Variants in DPYD observed in about 807,000 individuals in gnomAD.
DPYD encodes dihydropyrimidine dehydrogenase [NADP(+)].
DPYD carries 109 observed loss-of-function variants against 116.2 expected under a neutral mutation model. The observed-to-expected ratio is 0.94, with a 90% CI of 0.80 to 1.10. The LOEUF is 1.10. Ranked by LOEUF, DPYD falls within the 50% of genes least tolerant of loss-of-function variation. The pLI is 0.00. For missense variants in DPYD, 1,302 were observed against 1,254.5 expected, an observed-to-expected ratio of 1.04 and a Z score of -0.57; for synonymous variants, 440 against 432.0, an observed-to-expected ratio of 1.02 and a Z score of -0.23.
chr1:97,368,030 T>C (rs555482116), intron 16 of DPYD, among the ~76,000 whole-genome samples: 2 of 152,240 alleles, frequency 1.3e-5, no homozygotes, highest in East Asian at 1.9e-4. Flanking sequence ...TCATTTGAAA[T>C]AGAATTAGAG....
chr1:97,096,753 G>A (rs1428233123), intron 21 of DPYD, among the ~76,000 whole-genome samples: 1 of 152,128 alleles, frequency 6.6e-6, no homozygotes, highest in African/African-American at 2.4e-5. Flanking sequence ...CAGAATATGG[G>A]AGGGGACAAT....
chr1:97,579,453 G>A (rs1472729828), intron 10 of DPYD, among the ~76,000 whole-genome samples: 1 of 152,198 alleles, frequency 6.6e-6, no homozygotes, highest in Non-Finnish European at 1.5e-5. Context: ...TATGTTGCGA[G>A]GTTGAAATAA....
chr1:97,765,911 G>C (rs1318351321), intron 3 of DPYD, among the ~76,000 whole-genome samples: 1 of 152,178 alleles, frequency 6.6e-6, no homozygotes, highest in Non-Finnish European at 1.5e-5. Flanking sequence ...GATCATGTGT[G>C]CTGGAAGAAT....
chr1:97,566,989 T>C (rs1168403242), intron 11 of DPYD, among the ~76,000 whole-genome samples: 1 of 152,164 alleles, frequency 6.6e-6, no homozygotes, highest in East Asian at 1.9e-4. Context: ...ACCTAAATAA[T>C]ATAATGCCAA....
intron 14 of DPYD, among the ~76,000 whole-genome samples, chr1:97,400,907 A>T (rs1673336966): frequency 6.6e-6 from 1 of 152,000 alleles, no homozygotes; most frequent in African/African-American, 2.4e-5. Context: ...TTCTAACGTG[A>T]TCAAATCATT....
At chr1:97,720,054 A>T in intron 5 of DPYD, 1 of 984,928 alleles carries the variant, frequency 1.0e-6, no homozygotes, top group African/African-American at 1.7e-5. Flanking sequence ...AGAACCAAGT[A>T]AGAGTTCCCA....
intron 7 of DPYD, among the ~76,000 whole-genome samples, chr1:97,684,233 C>T (rs1660587851): frequency 6.6e-6 from 1 of 152,110 alleles, no homozygotes; most frequent in Non-Finnish European, 1.5e-5. Context: ...GGTACATTGT[C>T]TCTTTGTTCT....
At chr1:97,713,004 A>G (rs969343483) in intron 5 of DPYD, among the ~76,000 whole-genome samples, 1 of 152,038 alleles carries the variant, frequency 6.6e-6, no homozygotes, top group East Asian at 1.9e-4. Context: ...ATGTTTTTAT[A>G]CCATTTCTGG....
intron 2 of DPYD, among the ~76,000 whole-genome samples, chr1:97,869,073 G>A (rs909025179): frequency 2.6e-5 from 4 of 151,718 alleles, no homozygotes; most frequent in Non-Finnish European, 5.9e-5. Flanking sequence ...TGTTGCAAGT[G>A]GAAAATGGCC....
intron 10 of DPYD, among the ~76,000 whole-genome samples, chr1:97,591,070 C>T (rs973889264): frequency 1.3e-5 from 2 of 152,028 alleles, no homozygotes; most frequent in African/African-American, 4.8e-5. Flanking sequence ...ATCCAGAAGA[C>T]TTCCACAATA....
chr1:97,553,893 T>C (rs1001951121), intron 11 of DPYD, among the ~76,000 whole-genome samples: 3 of 152,122 alleles, frequency 2.0e-5, no homozygotes, highest in African/African-American at 7.2e-5. Flanking sequence ...TGGAATTTTA[T>C]GCAGTCTTTA....
chr1:97,173,347 C>CACATATATGTACATATAT (rs1656961543), intron 20 of DPYD, among the ~76,000 whole-genome samples: 1 of 149,056 alleles, frequency 6.7e-6, no homozygotes, highest in Non-Finnish European at 1.5e-5. Flanking sequence ...TATATATGCA[C>CACATATATGTACATATAT]ACATATATGT....
chr1:97,626,948 G>C (rs936647352), intron 8 of DPYD, among the ~76,000 whole-genome samples: 8 of 151,958 alleles, frequency 5.3e-5, no homozygotes, highest in African/African-American at 1.9e-4. Flanking sequence ...AAGTGCCATA[G>C]ACTGCGTGAC....
At chr1:97,113,004 T>A (rs760468826) in intron 20 of DPYD, among the ~76,000 whole-genome samples, 26 of 152,266 alleles carry the variant, frequency 1.7e-4, no homozygotes, top group Middle Eastern at 3.4e-3. Flanking sequence ...CAATAACTTT[T>A]CTCCTCATCT....
intron 2 of DPYD, among the ~76,000 whole-genome samples, chr1:97,829,496 T>C (rs746764372): frequency 1.6e-4 from 25 of 152,128 alleles, no homozygotes; most frequent in Admixed American, 5.9e-4. Flanking sequence ...TCTTCTGTCT[T>C]ATCTTCCCAC....
intron 20 of DPYD, among the ~76,000 whole-genome samples, chr1:97,160,847 A>G (rs1207667249): frequency 6.6e-6 from 1 of 152,142 alleles, no homozygotes; most frequent in Non-Finnish European, 1.5e-5. Context: ...GTTCTTAACA[A>G]ATTTTGAAAA....
At chr1:97,918,813 T>C (rs1028839437) in intron 1 of DPYD, among the ~76,000 whole-genome samples, 2 of 152,332 alleles carry the variant, frequency 1.3e-5, no homozygotes, top group Non-Finnish European at 2.9e-5. Flanking sequence ...AATGTGTTCT[T>C]ATCACATTCA....
intron 8 of DPYD, among the ~76,000 whole-genome samples, chr1:97,617,103 C>T (rs868514099): frequency 4.6e-5 from 7 of 152,218 alleles, no homozygotes; most frequent in Middle Eastern, 3.4e-3. Context: ...TAGGAAAATT[C>T]TCTTTCTTTC....
At chr1:97,794,322 T>C (rs957205214) in intron 3 of DPYD, among the ~76,000 whole-genome samples, 1 of 152,072 alleles carries the variant, frequency 6.6e-6, no homozygotes, top group Non-Finnish European at 1.5e-5. Context: ...AGAACTTGAA[T>C]CCATAATATT....
Sources: allele counts gnomAD v4.1 joint callset (sites outside exome capture counted in the v4.1 genomes callset), GRCh38; gene constraint gnomAD v4.1.1; transcripts MANE v1.5; gene names NCBI Gene and HGNC (gene_info 2026-07-23, HGNC 2026-07-21).